The following ANKRD30BL variants were observed in gnomAD, a reference collection of about 807,000 sequenced individuals.
ANKRD30BL encodes ankyrin repeat domain 30B like.
In ANKRD30BL, 20 loss-of-function variants were observed where a neutral mutation model predicts 18.4. The ratio of observed to expected loss-of-function variants is 1.09; its 90% CI spans 0.77 to 1.58. ANKRD30BL has a LOEUF of 1.58. Ranked by LOEUF, ANKRD30BL falls within the 40% of genes most tolerant of loss-of-function variation. The pLI is 0.00. For missense variants in ANKRD30BL, 224 were observed against 268.6 expected, an observed-to-expected ratio of 0.83 and a Z score of 1.16; for synonymous variants, 72 against 100.9, an observed-to-expected ratio of 0.71 and a Z score of 1.72.
At chr2:132,193,928 A>G (rs1678909258) in intron 1 of ANKRD30BL, among the ~76,000 whole-genome samples, 1 of 151,928 alleles carries the variant, frequency 6.6e-6, no homozygotes, top group African/African-American at 2.4e-5. Context: ...CCTTAGGTCC[A>G]GTAACCAAAA....
intron 1 of ANKRD30BL, among the ~76,000 whole-genome samples, chr2:132,196,473 A>G (rs1678971875): frequency 6.6e-6 from 1 of 152,156 alleles, no homozygotes; most frequent in African/African-American, 2.4e-5. Context: ...GCAAAAAAGA[A>G]CAAAGTAAAG....
chr2:132,234,794 C>A (rs1680110447), intron 1 of ANKRD30BL, among the ~76,000 whole-genome samples: 1 of 152,130 alleles, frequency 6.6e-6, no homozygotes, highest in Non-Finnish European at 1.5e-5. Context: ...TGAAACTATT[C>A]CAATCAATTG....
chr2:132,161,228 G>A (rs1416912723), intron 1 of ANKRD30BL, among the ~76,000 whole-genome samples: 1 of 152,082 alleles, frequency 6.6e-6, no homozygotes, highest in Admixed American at 6.5e-5. Context: ...AAGTGGGAGT[G>A]AAGGAGAAAG....
chr2:132,179,953 A>C (rs998886319), intron 1 of ANKRD30BL, among the ~76,000 whole-genome samples: 11 of 152,242 alleles, frequency 7.2e-5, no homozygotes, highest in African/African-American at 2.7e-4. Context: ...TTTTAAGCTA[A>C]GAGTTGTGAC....
chr2:132,199,833 G>A, intron 1 of ANKRD30BL, among the ~76,000 whole-genome samples: 1 of 151,990 alleles, frequency 6.6e-6, no homozygotes, highest in East Asian at 1.9e-4. Flanking sequence ...TTTAAAGAGG[G>A]CAATATACGG....
chr2:132,255,882 T>A (rs1014905768), intron 1 of ANKRD30BL, among the ~76,000 whole-genome samples: 3 of 152,038 alleles, frequency 2.0e-5, no homozygotes, highest in Non-Finnish European at 2.9e-5. Context: ...GGGCGTGCGA[T>A]TGGCCCGAGG....
chr2:132,154,863 G>A (rs1421130946), intron 3 of ANKRD30BL, 95 bp from the exon 4 acceptor site: 2 of 525,214 alleles, frequency 3.8e-6, no homozygotes, highest in Non-Finnish European at 6.9e-6. Context: ...CTTAAACAAT[G>A]GAAAGTAAAT....
At chr2:132,153,143 C>T (rs1181814939) in intron 4 of ANKRD30BL, among the ~76,000 whole-genome samples, 1 of 151,886 alleles carries the variant, frequency 6.6e-6, no homozygotes, top group Non-Finnish European at 1.5e-5. Context: ...AAGAGAATGG[C>T]CATTTCTGCC....
At chr2:132,199,146 C>T (rs1679039141) in intron 1 of ANKRD30BL, among the ~76,000 whole-genome samples, 1 of 152,022 alleles carries the variant, frequency 6.6e-6, no homozygotes. Context: ...GGTCAAGAGA[C>T]ATAGACCATT....
chr2:132,245,062 T>C (rs1219546311), intron 1 of ANKRD30BL, among the ~76,000 whole-genome samples: 1 of 152,306 alleles, frequency 6.6e-6, no homozygotes, highest in Non-Finnish European at 1.5e-5. Flanking sequence ...AACTGGATAT[T>C]AGGGCAGCAT....
rs140471421 is a variant in ANKRD30BL, at chr2:132,174,539, T to C, written n.442-17393A>G. On this transcript the variant is annotated intron_variant and non_coding_transcript_variant, in intron 1 of 4. Coordinates refer to the ANKRD30BL transcript ENST00000470729. ...ACAGAACTAGGCATGCGTCAACTTC[T>C]CCCTTAAAATTGTATTTCTCCTCTA... is the stretch of plus-strand genomic sequence containing the variant. Among the ~76,000 whole-genome samples, 696 of 152,208 alleles carry C rather than the reference T, an allele frequency of 4.6e-3. 5 individuals are homozygous for C. The highest frequency in any genetic ancestry group is 4.2e-3 in the Non-Finnish European group (287 of 68,022).
upstream of ANKRD30BL, among the ~76,000 whole-genome samples, chr2:132,163,477 G>C (rs958044245): frequency 4.6e-5 from 7 of 152,060 alleles, no homozygotes; most frequent in Non-Finnish European, 1.0e-4. Flanking sequence ...CAGTCTTCTG[G>C]ATTTTGGTTA....
intron 1 of ANKRD30BL, among the ~76,000 whole-genome samples, chr2:132,234,120 G>T (rs1360989211): frequency 1.3e-5 from 2 of 152,112 alleles, no homozygotes; most frequent in Non-Finnish European, 1.5e-5. Context: ...CAGAAATAAA[G>T]ATGTTCTTTG....
rs576733877 is a variant in ANKRD30BL at position 132,254,735 on chromosome 2, C to A, written n.441+2794G>T. On this transcript the variant is annotated intron_variant and non_coding_transcript_variant, in intron 1 of 4. Coordinates refer to the ANKRD30BL transcript ENST00000470729. Reference sequence around the variant, plus strand: ...TCACAGACCTGTTATTGCTCAATCTCAGGTGGCTGAACGCCACTTGTCCCT... The same window carrying A: ...TCACAGACCTGTTATTGCTCAATCTAAGGTGGCTGAACGCCACTTGTCCCT... Among the ~76,000 whole-genome samples, 13 of 152,368 alleles carry A rather than the reference C, an allele frequency of 8.5e-5. No individual in the cohort carries two copies. The East Asian group carries it at 2.5e-3, about 29-fold the overall frequency.
intron 1 of ANKRD30BL, among the ~76,000 whole-genome samples, chr2:132,179,408 C>T (rs1688421127): frequency 6.6e-6 from 1 of 151,832 alleles, no homozygotes; most frequent in Admixed American, 6.6e-5. Flanking sequence ...TCTGCCTCAG[C>T]CTCCCAAGTA....
At chr2:132,206,818 G>A (rs1363825535) in intron 1 of ANKRD30BL, among the ~76,000 whole-genome samples, 1 of 152,238 alleles carries the variant, frequency 6.6e-6, no homozygotes, top group African/African-American at 2.4e-5. Context: ...GGAGTTAGCA[G>A]TGCTGCATTT....
At chr2:132,220,530 G>T (rs1232304806) in intron 1 of ANKRD30BL, among the ~76,000 whole-genome samples, 3 of 151,964 alleles carry the variant, frequency 2.0e-5, no homozygotes, top group Admixed American at 1.3e-4. Context: ...CGCCTGACTG[G>T]TTTTCGTTTT....
At chr2:132,236,819 T>C (rs2104789276) in intron 1 of ANKRD30BL, among the ~76,000 whole-genome samples, 1 of 151,958 alleles carries the variant, frequency 6.6e-6, no homozygotes, top group Admixed American at 6.6e-5. Context: ...TAAAGACACA[T>C]GCACACGTAT....
chr2:132,256,637 T>C (rs1214961438), intron 1 of ANKRD30BL, among the ~76,000 whole-genome samples: 1 of 152,130 alleles, frequency 6.6e-6, no homozygotes, highest in Admixed American at 6.5e-5. Flanking sequence ...CCGCCGCCAC[T>C]GTCGCGGCCA....
Sources: gnomAD v4.1 joint callset for allele counts (sites outside exome capture counted in the v4.1 genomes callset) on GRCh38, gnomAD v4.1.1 for gene constraint, MANE v1.5 for transcripts, NCBI Gene and HGNC (gene_info 2026-07-23, HGNC 2026-07-21) for gene names.